RBFOX1: variants seen among roughly 807,000 people sequenced by gnomAD.
RBFOX1 encodes RNA binding protein fox-1 homolog 1.
In RBFOX1, 8 loss-of-function variants were observed where a neutral mutation model predicts 57.7. The observed-to-expected ratio is 0.14, with a 90% confidence interval of 0.08 to 0.25. The LOEUF (loss-of-function observed/expected upper bound fraction) is 0.25, where lower values mean the gene tolerates loss of function less well. RBFOX1 is among the 10% of genes least tolerant of loss of function. The pLI, the probability that RBFOX1 is intolerant of heterozygous loss-of-function variation, is 1.00. For missense variants in RBFOX1, 611 were observed against 548.5 expected (o/e 1.11, Z -1.14); for synonymous variants, 326 against 222.4 (o/e 1.47, Z -4.15).
intron 3 of RBFOX1, among the ~76,000 whole-genome samples, chr16:6,823,646 A>G (rs1201485625): frequency 2.0e-5 from 3 of 152,102 alleles, no homozygotes; most frequent in Non-Finnish European, 4.4e-5. Context: ...GAATCTCCCT[A>G]TTCTTGATTT....
intron 2 of RBFOX1, among the ~76,000 whole-genome samples, chr16:5,497,308 C>G (rs941103904): frequency 6.6e-6 from 1 of 151,606 alleles, no homozygotes; most frequent in South Asian, 2.1e-4. Flanking sequence ...GGGTATTGCC[C>G]TGCTGTGAAG....
chr16:5,708,564 T>C (rs774735619), intron 3 of RBFOX1, among the ~76,000 whole-genome samples: 2 of 152,214 alleles, frequency 1.3e-5, no homozygotes, highest in Non-Finnish European at 2.9e-5. Flanking sequence ...AATCCTGCTT[T>C]AAGCAGCTGA....
intron 4 of RBFOX1, among the ~76,000 whole-genome samples, chr16:7,361,936 ATGTG>A (rs1452378529): frequency 7.1e-6 from 1 of 141,568 alleles, no homozygotes; most frequent in African/African-American, 2.7e-5. Flanking sequence ...GTTAGTGTGT[ATGTG>A]TGTGCATGTT....
intron 2 of RBFOX1, among the ~76,000 whole-genome samples, chr16:6,506,862 G>C (rs1005079989): frequency 1.2e-4 from 18 of 152,016 alleles, no homozygotes; most frequent in Non-Finnish European, 2.6e-4. Flanking sequence ...TGGCCAGGCT[G>C]GTCTCAAACT....
At chr16:5,285,002 C>G (rs1477698154) in intron 1 of RBFOX1, among the ~76,000 whole-genome samples, 1 of 151,886 alleles carries the variant, frequency 6.6e-6, no homozygotes, top group Non-Finnish European at 1.5e-5. Flanking sequence ...GGATCTATAT[C>G]ATTTGCAAGA....
intron 2 of RBFOX1, chr16:5,467,277 C>G (rs1370779433): frequency 2.0e-6 from 3 of 1,473,892 alleles, no homozygotes; most frequent in East Asian, 2.5e-5. Context: ...TTTGTCCTGA[C>G]TTAGGATGTC....
intron 1 of RBFOX1, among the ~76,000 whole-genome samples, chr16:5,359,376 C>T (rs1414512983): frequency 6.6e-6 from 1 of 152,184 alleles, no homozygotes; most frequent in Non-Finnish European, 1.5e-5. Flanking sequence ...TTTTAGTTTT[C>T]TGAGGAGCCT....
chr16:6,448,691 C>T (rs1032654284), intron 2 of RBFOX1, among the ~76,000 whole-genome samples: 1 of 152,118 alleles, frequency 6.6e-6, no homozygotes, highest in Non-Finnish European at 1.5e-5. Context: ...ACTCATGAGA[C>T]TGTCATTTAG....
At chr16:6,289,091 T>C (rs995406219) in intron 1 of RBFOX1, among the ~76,000 whole-genome samples, 5 of 152,118 alleles carry the variant, frequency 3.3e-5, no homozygotes, top group African/African-American at 1.2e-4. Flanking sequence ...AGAATAACTT[T>C]TGGAGGGGGT....
intron 3 of RBFOX1, among the ~76,000 whole-genome samples, chr16:6,869,431 C>G (rs1006563405): frequency 6.6e-6 from 1 of 151,156 alleles, no homozygotes; most frequent in African/African-American, 2.4e-5. Flanking sequence ...ACTGTGGTAT[C>G]TGTCTTGTAT....
At chr16:7,096,620 G>A (rs546495844) in intron 4 of RBFOX1, among the ~76,000 whole-genome samples, 2 of 152,182 alleles carry the variant, frequency 1.3e-5, no homozygotes, top group South Asian at 2.1e-4. Context: ...GGATCTAGGA[G>A]TGGACTTAGC....
At chr16:5,326,505 A>G (rs1468075021) in intron 1 of RBFOX1, among the ~76,000 whole-genome samples, 1 of 152,200 alleles carries the variant, frequency 6.6e-6, no homozygotes, top group African/African-American at 2.4e-5. Context: ...CTGGCATTTC[A>G]GATAGGCTGT....
chr16:7,385,884 G>C (rs78213189), intron 4 of RBFOX1, among the ~76,000 whole-genome samples: 12,319 of 151,952 alleles, frequency 0.081, 541 homozygotes, highest in East Asian at 0.2. Context: ...CTCTGAGTAG[G>C]TGGGATTACA....
chr16:7,009,953 G>C (rs1464174944), intron 3 of RBFOX1, among the ~76,000 whole-genome samples: 2 of 152,108 alleles, frequency 1.3e-5, no homozygotes, highest in Non-Finnish European at 2.9e-5. Context: ...AAGGAAAAAG[G>C]GTCCAAAGCT....
At chr16:7,405,819 C>T (rs2098330507) in intron 4 of RBFOX1, among the ~76,000 whole-genome samples, 3 of 152,104 alleles carry the variant, frequency 2.0e-5, no homozygotes. Flanking sequence ...GTTTCCTTTC[C>T]ACTCTTCCAT....
At chr16:6,430,371 T>A (rs76822939) in intron 2 of RBFOX1, among the ~76,000 whole-genome samples, 2,571 of 152,256 alleles carry the variant, frequency 0.017, 74 homozygotes, top group African/African-American at 0.058. Context: ...TTAGAATTTG[T>A]ACAAAGAAAG....
chr16:5,659,594 C>G (rs770692048), intron 3 of RBFOX1, among the ~76,000 whole-genome samples: 1 of 152,092 alleles, frequency 6.6e-6, no homozygotes, highest in African/African-American at 2.4e-5. Context: ...TGAGCCACAC[C>G]GTGCCTGGCC....
intron 4 of RBFOX1, among the ~76,000 whole-genome samples, chr16:7,077,931 A>G (rs1185335310): frequency 6.6e-6 from 1 of 152,166 alleles, no homozygotes; most frequent in Non-Finnish European, 1.5e-5. Context: ...TGTTTGCTCA[A>G]CTCATTAGGC....
chr16:7,331,660 A>G (rs773073456), intron 4 of RBFOX1, among the ~76,000 whole-genome samples: 3 of 152,170 alleles, frequency 2.0e-5, no homozygotes, highest in Non-Finnish European at 2.9e-5. Flanking sequence ...TAATGATAAC[A>G]CAGCCTTTTG....
Sources: gnomAD v4.1 joint callset for allele counts (sites outside exome capture counted in the v4.1 genomes callset) on GRCh38, gnomAD v4.1.1 for gene constraint, MANE v1.5 for transcripts, NCBI Gene and HGNC (gene_info 2026-07-23, HGNC 2026-07-21) for gene names.